TYW1: variants seen among roughly 807,000 people sequenced by gnomAD.
TYW1 encodes the protein S-adenosyl-L-methionine-dependent tRNA 4-demethylwyosine synthase TYW1.
TYW1 carries 46 observed loss-of-function variants against 96.2 expected under a neutral mutation model. The observed-to-expected ratio is 0.48, with a 90% CI of 0.38 to 0.61. TYW1 has a LOEUF of 0.61. Among genes scored for constraint, TYW1 ranks in the 20% least tolerant of loss-of-function variants. The pLI, the probability that TYW1 is intolerant of heterozygous loss-of-function variation, is 0.00. For missense variants in TYW1, 684 were observed against 909.6 expected (o/e 0.75, Z 3.19); for synonymous variants, 274 against 323.0 (o/e 0.85, Z 1.63).
chr7:67,163,161 A>C (rs1438928736), intron 13 of TYW1, among the ~76,000 whole-genome samples: 1 of 152,176 alleles, frequency 6.6e-6, no homozygotes, highest in Non-Finnish European at 1.5e-5. Flanking sequence ...GTCTTGTTCA[A>C]AATGTCAGTA....
chr7:67,046,594 G>A (rs890416647), intron 7 of TYW1, among the ~76,000 whole-genome samples: 3 of 152,198 alleles, frequency 2.0e-5, no homozygotes, highest in Non-Finnish European at 4.4e-5. Flanking sequence ...ATCTTACATG[G>A]TTGTTATATT....
chr7:67,147,623 G>A (rs1306163654), intron 13 of TYW1, among the ~76,000 whole-genome samples: 1 of 151,992 alleles, frequency 6.6e-6, no homozygotes, highest in Non-Finnish European at 1.5e-5. Flanking sequence ...TCCTCTCTAT[G>A]TGTCCATGTG....
chr7:67,211,643 C>T (rs6977325), intron 15 of TYW1, among the ~76,000 whole-genome samples: 11,770 of 152,192 alleles, frequency 0.077, 908 homozygotes, highest in East Asian at 0.18. Flanking sequence ...ATCCATCTCC[C>T]CATGGGTCAT....
At chr7:67,220,736 CTTTTTCTTT>C (rs1801361903) in intron 15 of TYW1, among the ~76,000 whole-genome samples, 2 of 118,560 alleles carry the variant, frequency 1.7e-5, no homozygotes, top group South Asian at 5.4e-4. Context: ...TTCTTTCTTT[CTTTTTCTTT>C]TTTTTTTTTG....
chr7:67,108,147 G>A (rs1197248222), intron 12 of TYW1, among the ~76,000 whole-genome samples: 2 of 152,088 alleles, frequency 1.3e-5, no homozygotes, highest in Admixed American at 1.3e-4. Context: ...AGAGTGCTGG[G>A]ATTACAAGAA....
At chr7:67,152,876 C>T (rs1368050791) in intron 13 of TYW1, among the ~76,000 whole-genome samples, 2 of 152,146 alleles carry the variant, frequency 1.3e-5, no homozygotes, top group African/African-American at 4.8e-5. Context: ...GCTGGGATTG[C>T]AGGCGTGAGC....
intron 3 of TYW1, among the ~76,000 whole-genome samples, chr7:67,006,438 CTTT>C (rs34088521): frequency 2.6e-5 from 3 of 114,750 alleles, no homozygotes; most frequent in Non-Finnish European, 5.1e-5. Flanking sequence ...TTCTTTTTTC[CTTT>C]TTTTTTTTTT....
intron 13 of TYW1, among the ~76,000 whole-genome samples, chr7:67,136,883 CATA>C: frequency 6.6e-6 from 1 of 151,988 alleles, no homozygotes; most frequent in South Asian, 2.1e-4. Flanking sequence ...AGTGCAGTGG[CATA>C]ATCTCGGCTC....
intron 13 of TYW1, among the ~76,000 whole-genome samples, chr7:67,132,742 T>G (rs1421665683): frequency 6.6e-6 from 1 of 152,170 alleles, no homozygotes; most frequent in East Asian, 1.9e-4. Context: ...CCCTGCAACC[T>G]GTTTTTCTTT....
At chr7:67,220,253 G>A (rs1801344109) in intron 15 of TYW1, among the ~76,000 whole-genome samples, 2 of 142,556 alleles carry the variant, frequency 1.4e-5, no homozygotes, top group African/African-American at 5.4e-5. Context: ...ACCCAGGCTG[G>A]AGTGCAGTGG....
At chr7:67,174,407 A>G (rs1799601298) in intron 13 of TYW1, among the ~76,000 whole-genome samples, 1 of 151,442 alleles carries the variant, frequency 6.6e-6, no homozygotes, top group South Asian at 2.1e-4. Flanking sequence ...AGCACAAACC[A>G]TGGAGCCTCA....
intron 15 of TYW1, among the ~76,000 whole-genome samples, chr7:67,226,016 A>G (rs376054001): frequency 0.25 from 36,425 of 145,632 alleles, 4,919 homozygotes; most frequent in African/African-American, 0.34. Context: ...AGCTACAACC[A>G]GCAAGAACAA....
chr7:67,029,908 C>T (rs1794618330), intron 7 of TYW1, among the ~76,000 whole-genome samples: 1 of 152,020 alleles, frequency 6.6e-6, no homozygotes, highest in African/African-American at 2.4e-5. Context: ...ACCATGTTGC[C>T]CAGGCCGATC....
chr7:67,178,970 G>A (rs1396913387), intron 13 of TYW1, among the ~76,000 whole-genome samples: 2 of 138,990 alleles, frequency 1.4e-5, no homozygotes, highest in Non-Finnish European at 3.1e-5. Flanking sequence ...CCCCAAAACC[G>A]GGGCTTAGCT....
At chr7:67,045,424 C>T (rs1795158522) in intron 7 of TYW1, among the ~76,000 whole-genome samples, 1 of 151,958 alleles carries the variant, frequency 6.6e-6, no homozygotes, top group African/African-American at 2.4e-5. Context: ...CACTATGTTG[C>T]CCAGGCTGGT....
chr7:67,133,331 A>C (rs1798145975), intron 13 of TYW1, among the ~76,000 whole-genome samples: 1 of 151,848 alleles, frequency 6.6e-6, no homozygotes, highest in South Asian at 2.1e-4. Flanking sequence ...ACTTGTACAG[A>C]TGGAGTCTCA....
In TYW1 at chr7:67,071,136, A is replaced by AG. The variant is rs577619481; in HGVS notation, c.1274+3733_1274+3734insG. On this transcript the variant is annotated intron_variant, in intron 10 of 15. Transcript: ENST00000359626. ...ACAGAGCAAGACTCCGTCTCAAAAA[A>AG]AAAAAGGAAACTGCATATTTTGATT... is the stretch of plus-strand genomic sequence containing the variant. Among the ~76,000 whole-genome samples the AG allele has an allele frequency of 2.0e-4, 30 of 152,070 alleles. No homozygotes were observed. In the South Asian group the frequency reaches 5.8e-3, roughly 30 times the overall value.
rs561373127 is a variant in TYW1, at chr7:67,229,543, A to G, written c.1978-8765A>G. On this transcript the variant is annotated intron_variant, in intron 15 of 15. Coordinates refer to ENST00000359626, the MANE Select transcript of TYW1 (RefSeq NM_018264.4). Reference sequence around the variant, plus strand: ...AACAGAGTGAGACTCCATCTCAAAAAAAAAAAAATTGGAATATACACTGTT... The same window carrying G: ...AACAGAGTGAGACTCCATCTCAAAAGAAAAAAAATTGGAATATACACTGTT... Among the ~76,000 whole-genome samples, 4 of 152,226 alleles carry G rather than the reference A, an allele frequency of 2.6e-5. No homozygotes were observed. In the East Asian group the frequency reaches 5.8e-4, roughly 22 times the overall value.
At chr7:67,222,888 T>C (rs1394686269) in intron 15 of TYW1, among the ~76,000 whole-genome samples, 3 of 147,342 alleles carry the variant, frequency 2.0e-5, no homozygotes, top group Non-Finnish European at 4.5e-5. Context: ...TTTTTTTTGC[T>C]ATTCGGACGT....
Sources: allele counts gnomAD v4.1 joint callset (sites outside exome capture counted in the v4.1 genomes callset), GRCh38; gene constraint gnomAD v4.1.1; transcripts MANE v1.5; gene names NCBI Gene and HGNC (gene_info 2026-07-23, HGNC 2026-07-21).